NCSTN: variants seen among roughly 807,000 people sequenced by gnomAD.
The protein encoded by NCSTN is anterior pharynx-defective 2.
Under a neutral mutation model 87.0 loss-of-function variants are expected in NCSTN, and 22 were observed. The observed-to-expected ratio is 0.25, with a 90% confidence interval of 0.18 to 0.36. NCSTN has a LOEUF of 0.36. NCSTN is among the 10% of genes least tolerant of loss of function. The pLI, the probability that NCSTN is intolerant of heterozygous loss-of-function variation, is 1.00. For synonymous variants in NCSTN, 306 were observed against 327.1 expected, an observed-to-expected ratio of 0.94 and a Z score of 0.69; for missense variants, 693 against 883.3, an observed-to-expected ratio of 0.78 and a Z score of 2.73.
chr1:160,352,159 G>C lies in NCSTN; in HGVS notation c.949G>C (p.Asp317His), dbSNP rs1390887915. ...TGCTGAAGCTTTGCAAAAGGCACCT[G>C]ATGTGACCACCCTGCCCCGCAATGT... ...AAAEALQKAPDVTTLPRNVMF... is the reference protein window; with the variant it reads ...AAAEALQKAPHVTTLPRNVMF... The change falls in exon 8 of 17, where the codon GAT (aspartate) becomes CAT (histidine). Residue 317 changes from aspartate (D) to histidine (H), a missense_variant. By Grantham distance (81) the Asp-to-His change is moderately conservative. This residue lies in a region of NCSTN where 134 missense variants were observed against 226.0 expected (regional missense o/e 0.59). Transcript: ENST00000294785. 5 of 1,614,098 alleles carry C rather than the reference G, an allele frequency of 3.1e-6. No individual in the cohort carries two copies. The highest frequency in any genetic ancestry group is 1.1e-5 in the South Asian group (1 of 91,094).
chr1:160,354,555 C>T (rs1013523667), intron 11 of NCSTN, among the ~76,000 whole-genome samples: 6 of 152,174 alleles, frequency 3.9e-5, no homozygotes, highest in Non-Finnish European at 7.3e-5. Flanking sequence ...CCTAGCTCTC[C>T]AGGGTCCTGA....
At position 160,354,243 on chromosome 1, in the gene NCSTN, C is replaced by T; in HGVS notation, c.1305C>T (p.Asn435=). ...TGCAGCGATTTCTTCGAGCTCGAAA[C>T]ATCTCTGGCGTTGTTCTGGCTGACC... The part of the protein sequence containing the change: ...SSLQRFLRAR[N]ISGVVLADHS... The change falls in exon 11 of 17, where the codon AAC becomes AAT. Residue 435 remains asparagine, a synonymous_variant. Coordinates refer to ENST00000294785, the MANE Select transcript of NCSTN (RefSeq NM_015331.3). The T allele has an allele frequency of 6.2e-7, 1 of 1,614,174 alleles. No homozygotes were observed. Among genetic ancestry groups the T allele is most frequent in the Non-Finnish European group, 8.5e-7 (1 of 1,180,034 alleles).
intron 7 of NCSTN, 115 bp from the exon 8 acceptor site, chr1:160,351,939 C>G: frequency 2.0e-6 from 3 of 1,498,144 alleles, no homozygotes; most frequent in Non-Finnish European, 2.8e-6. Context: ...CTGTGGGACT[C>G]CTGGGTTGTC....
Position 160,355,881 on chromosome 1 carries a change from A to G in NCSTN, c.1474A>G (p.Thr492Ala). 6.2e-7 allele frequency: 1 copy of G among 1,614,204 alleles called. No individual in the cohort carries two copies. The highest frequency in any genetic ancestry group is 8.5e-7 in the Non-Finnish European group (1 of 1,180,026). ...ACCACAGGCCCTGGCAGATGTGGCC[A>G]CGGTGCTGGGACGTGCTCTGTATGA... Reference protein sequence around the residue: ...DTAKALADVATVLGRALYELA... With the variant: ...DTAKALADVAAVLGRALYELA... The change falls in exon 13 of 17, where the codon ACG becomes GCG. Residue 492 changes from threonine to alanine, a missense_variant. Physicochemically the swap from Thr to Ala is moderately conservative, Grantham distance 58. Transcript: ENST00000294785.
chr1:160,354,081 C>G, intron 10 of NCSTN, 37 bp from the exon 11 acceptor site: 1 of 1,602,180 alleles, frequency 6.2e-7, no homozygotes. Context: ...TCCCATCCCC[C>G]AGCCTCCCAT....
chr1:160,356,237 T>C (rs1470751991), intron 13 of NCSTN, 23 bp from the exon 14 acceptor site: 1 of 1,571,280 alleles, frequency 6.4e-7, no homozygotes, highest in Admixed American at 1.7e-5. Flanking sequence ...CAGGGTTTTC[T>C]CTCTTTACTG....
intron 14 of NCSTN, 41 bp downstream of exon 14, chr1:160,356,388 A>G (rs751997064): frequency 1.3e-6 from 2 of 1,530,218 alleles, no homozygotes; most frequent in Non-Finnish European, 1.8e-6. Context: ...AGCTGAGGAA[A>G]GGGATAGAGA....
At chr1:160,349,517 T>A in intron 3 of NCSTN, 32 bp from the exon 4 acceptor site, 1 of 1,614,058 alleles carries the variant, frequency 6.2e-7, no homozygotes, top group Non-Finnish European at 8.5e-7. Flanking sequence ...TACCTTCCTG[T>A]GTTCCTTCAT....
In NCSTN at chr1:160,355,682, T is replaced by C; in HGVS notation, c.1380T>C (p.Ala460=). The part of the protein sequence containing the change: ...NKYYQSIYDT[A]ENINVSYPEW... Reference sequence around the variant, plus strand: ...ATTACCAGAGTATTTACGACACTGCTGAGAACATTAATGTGAGCTATCCCG... The same window carrying C: ...ATTACCAGAGTATTTACGACACTGCCGAGAACATTAATGTGAGCTATCCCG... Residue 460 remains alanine, a synonymous_variant, in exon 12 of 17, where the codon GCT becomes GCC. Coordinates refer to ENST00000294785, the MANE Select transcript of NCSTN (RefSeq NM_015331.3). The C allele has an allele frequency of 6.2e-7, 1 of 1,613,896 alleles. No individual in the cohort carries two copies. The highest frequency in any genetic ancestry group is 1.1e-5 in the South Asian group (1 of 91,070).
chr1:160,349,464 C>T (rs1455463923), intron 3 of NCSTN, 85 bp from the exon 4 acceptor site: 8 of 1,548,986 alleles, frequency 5.2e-6, no homozygotes, highest in Non-Finnish European at 7.1e-6. Flanking sequence ...CCCCTAGTTC[C>T]CCATTTGTTT....
chr1:160,354,113 C>G lies in NCSTN; in HGVS notation c.1180-5C>G, dbSNP rs7528638. ...CCATCAGTTAATCTCCCTCGTACCC[C>G]CCAGGTGGAGGATCTCCTGGCCACA... On this transcript the variant is annotated splice_region_variant and splice_polypyrimidine_tract_variant and intron_variant, in intron 10 of 16. Coordinates refer to ENST00000294785, the MANE Select transcript of NCSTN (RefSeq NM_015331.3). The G allele has an allele frequency of 0.052, 83,168 of 1,613,694 alleles. 2,388 individuals carry two copies. Among genetic ancestry groups the G allele is most frequent in the African/African-American group, 0.081 (6,045 of 74,950 alleles).
At chr1:160,343,626 C>T (rs1323487245) in intron 1 of NCSTN, 145 bp downstream of exon 1, 20 of 838,332 alleles carry the variant, frequency 2.4e-5, no homozygotes, top group Middle Eastern at 2.2e-4. Context: ...GTTCCCACGA[C>T]AGAAGTTCCC....
At chr1:160,348,934 T>C (rs1648675191) in intron 2 of NCSTN, 65 bp from the exon 3 acceptor site, 1 of 1,607,956 alleles carries the variant, frequency 6.2e-7, no homozygotes, top group South Asian at 1.1e-5. Context: ...ATACGCAGAA[T>C]CAGTGAGGCA....
chr1:160,356,158 G>T, intron 13 of NCSTN, 102 bp from the exon 14 acceptor site: 1 of 1,146,386 alleles, frequency 8.7e-7, no homozygotes, highest in East Asian at 2.4e-5. Context: ...AGTCTATCTG[G>T]CCAGTCTGGT....
chr1:160,353,631 A>C, intron 10 of NCSTN: 1 of 1,172,128 alleles, frequency 8.5e-7, no homozygotes, highest in South Asian at 1.9e-5. Context: ...CTTGTTCAAA[A>C]CCTTCCCTTC....
At chr1:160,351,039 G>GT (rs1452315014) in intron 5 of NCSTN, among the ~76,000 whole-genome samples, 183 bp from the exon 6 acceptor site, 1 of 152,114 alleles carries the variant, frequency 6.6e-6, no homozygotes, top group Non-Finnish European at 1.5e-5. Flanking sequence ...CTCTTGATGA[G>GT]TTTTTTTCTT....
chr1:160,350,265 A>G lies in NCSTN; in HGVS notation c.582+15A>G. 6.2e-7 allele frequency: 1 copy of G among 1,613,380 alleles called. No individual in the cohort carries two copies. On this transcript the variant is annotated intron_variant, in intron 5 of 16. Coordinates refer to ENST00000294785, the MANE Select transcript of NCSTN (RefSeq NM_015331.3). ...TCATCAAGCAGGTAATGACACTGCC[A>G]GCTCCTAGCAATTCCAGTTAGAAAG...
At chr1:160,343,767 A>C in intron 1 of NCSTN, 1 of 656,562 alleles carries the variant, frequency 1.5e-6, no homozygotes. Flanking sequence ...TTTTTCCCAC[A>C]ACCCCAGCCA....
chr1:160,356,020 T>G (rs1384839902), intron 13 of NCSTN, 62 bp downstream of exon 13: 1 of 1,459,218 alleles, frequency 6.9e-7, no homozygotes, highest in Non-Finnish European at 9.6e-7. Flanking sequence ...CTATCCTCCC[T>G]TGCCCTAGTG....
Sources: gnomAD v4.1 joint callset for allele counts (sites outside exome capture counted in the v4.1 genomes callset) on GRCh38, gnomAD v4.1.1 for gene constraint, gnomAD v4.1.1 regional missense constraint, MANE v1.5 for transcripts, NCBI Gene and HGNC (gene_info 2026-07-23, HGNC 2026-07-21) for gene names.